The following TRIM22 variants were observed in gnomAD, a reference collection of about 807,000 sequenced individuals.
TRIM22 encodes the protein tripartite motif containing 22, also known as E3 ubiquitin-protein ligase TRIM22.
A neutral mutation model predicts 53.6 loss-of-function variants in TRIM22; 45 were observed. The observed-to-expected ratio is 0.84, with a 90% CI of 0.66 to 1.08. The LOEUF (loss-of-function observed/expected upper bound fraction) is 1.08, where lower values mean the gene tolerates loss of function less well. Ranked by LOEUF, TRIM22 falls within the 50% of genes least tolerant of loss-of-function variation. The pLI is 0.00. For missense variants in TRIM22, 616 were observed against 590.9 expected, an observed-to-expected ratio of 1.04 and a Z score of -0.44; for synonymous variants, 225 against 216.6, an observed-to-expected ratio of 1.04 and a Z score of -0.34.
rs777547311 is a variant in TRIM22, at chr11:5,696,534, GA to G, written c.309del (p.Lys103AsnfsTer31). 1.9e-6 allele frequency: 3 copies of G among 1,614,142 alleles called. No homozygotes were observed. The highest frequency in any genetic ancestry group is 1.7e-6 in the Non-Finnish European group (2 of 1,180,008). On this transcript the variant is annotated frameshift_variant, in exon 2 of 8. Transcript: ENST00000379965. LOFTEE classifies it high-confidence loss of function. The part of the protein sequence containing the change: ...GQKRDVCEHH[G>X]KKLQIFCKED... ...AAGAGAGATGTCTGTGAGCACCATG[GA>G]AAAAAACTCCAGATCTTCTGTAAGG...
intron 5 of TRIM22, among the ~76,000 whole-genome samples, chr11:5,707,539 G>A (rs1353192605): frequency 6.6e-6 from 1 of 152,224 alleles, no homozygotes; most frequent in African/African-American, 2.4e-5. Flanking sequence ...GCTGGGTGCA[G>A]TGGGTCACGC....
chr11:5,692,876 C>CT (rs376485434), intron 1 of TRIM22, among the ~76,000 whole-genome samples: 20,473 of 132,796 alleles, frequency 0.15, 1,853 homozygotes, highest in East Asian at 0.3. Flanking sequence ...TTAATTTAAT[C>CT]TTTTTTTTTT....
chr11:5,707,864 A>G (rs760137065), intron 5 of TRIM22, among the ~76,000 whole-genome samples: 8 of 152,278 alleles, frequency 5.3e-5, no homozygotes, highest in African/African-American at 9.6e-5. Context: ...ATCTAATTTT[A>G]TATTCATTTT....
At position 5,710,603 on chromosome 11, in the gene TRIM22, T is replaced by G. The variant is rs1477815131; in HGVS notation, c.*955T>G. The G allele has an allele frequency of 6.6e-6, 1 of 152,228 alleles. No individual in the cohort carries two copies. Among genetic ancestry groups the G allele is most frequent in the Non-Finnish European group, 1.5e-5 (1 of 68,032 alleles). The allele number at this position is 152,228 out of a possible 1,614,324, so 9.4% of individuals were successfully genotyped here. On this transcript the variant is annotated 3_prime_UTR_variant, in exon 8 of 8. Coordinates refer to ENST00000379965, the MANE Select transcript of TRIM22 (RefSeq NM_006074.5). Reference sequence around the variant, plus strand: ...ATCTTTTCACTTACAAGCTCTATGATCTTAAATAATTTACTTAATGTATTT... The same window carrying G: ...ATCTTTTCACTTACAAGCTCTATGAGCTTAAATAATTTACTTAATGTATTT...
chr11:5,694,592 C>T (rs544629773), intron 1 of TRIM22, among the ~76,000 whole-genome samples: 2 of 152,306 alleles, frequency 1.3e-5, no homozygotes, highest in East Asian at 3.9e-4. Context: ...GGGGACAATA[C>T]ATTCACTCTT....
chr11:5,690,075 G>A (rs757079690), intron 1 of TRIM22, among the ~76,000 whole-genome samples, 176 bp downstream of exon 1: 3 of 152,220 alleles, frequency 2.0e-5, no homozygotes, highest in Non-Finnish European at 2.9e-5. Flanking sequence ...TGGGAGAGGG[G>A]TAACCTTTAA....
intron 4 of TRIM22, 43 bp from the exon 5 acceptor site, chr11:5,706,551 C>T (rs1480212934): frequency 3.1e-6 from 5 of 1,603,348 alleles, no homozygotes; most frequent in Non-Finnish European, 4.3e-6. Flanking sequence ...TGTTCTAAAT[C>T]TGGCAACCCT....
chr11:5,708,134 G>A, intron 5 of TRIM22, 39 bp from the exon 6 acceptor site: 1 of 1,495,950 alleles, frequency 6.7e-7, no homozygotes, highest in Non-Finnish European at 9.3e-7. Flanking sequence ...AGAGAAATAG[G>A]GCAAAGGTGT....
intron 4 of TRIM22, among the ~76,000 whole-genome samples, chr11:5,699,570 G>C (rs551598788): frequency 9.4e-6 from 1 of 106,802 alleles, no homozygotes; most frequent in African/African-American, 3.2e-5. Context: ...AAAAAAAAAA[G>C]AGTGTTGTAT....
intron 4 of TRIM22, among the ~76,000 whole-genome samples, chr11:5,706,386 G>T (rs1013460484): frequency 2.4e-4 from 36 of 152,086 alleles, no homozygotes; most frequent in African/African-American, 8.4e-4. Flanking sequence ...TTTGAGCATT[G>T]CTAGACAAAA....
In TRIM22 at chr11:5,704,079, CT is replaced by C. The variant is rs1370215562; in HGVS notation, c.751-2514del. Among the ~76,000 whole-genome samples, 13 of 152,284 alleles carry C rather than the reference CT, an allele frequency of 8.5e-5. No individual in the cohort carries two copies. The East Asian group carries it at 2.3e-3, about 27-fold the overall frequency. ...TATTTCAGCCATTGTAGAAAGCAGTCTGGAGGTTTCTAAAAGAACTTAAAAC... is the reference window on the plus strand; with the variant it reads ...TATTTCAGCCATTGTAGAAAGCAGTCGGAGGTTTCTAAAAGAACTTAAAAC... On this transcript the variant is annotated intron_variant, in intron 4 of 7. Transcript: ENST00000379965.
chr11:5,706,631 G>A lies in TRIM22; in HGVS notation c.773+15G>A, dbSNP rs767396230. On this transcript the variant is annotated intron_variant, in intron 5 of 7. Coordinates refer to ENST00000379965, the MANE Select transcript of TRIM22 (RefSeq NM_006074.5). ...GTCATGAAAAGGTATATGTGGAAGA[G>A]AGATGTGGTCTTATTTGTCTGAAAA... is the stretch of plus-strand genomic sequence containing the variant. 6.2e-7 allele frequency: 1 copy of A among 1,603,908 alleles called. No homozygotes were observed. The highest frequency in any genetic ancestry group is 1.7e-5 in the Admixed American group (1 of 59,646).
In TRIM22 at chr11:5,709,283, C is replaced by T; in HGVS notation, c.1132C>T (p.Leu378=). 1.2e-6 allele frequency: 2 copies of T among 1,613,966 alleles called. No homozygotes were observed. Among genetic ancestry groups the T allele is most frequent in the Non-Finnish European group, 1.7e-6 (2 of 1,179,986 alleles). The change falls in exon 8 of 8, where the codon CTG becomes TTG. Residue 378 remains leucine, a synonymous_variant. Transcript: ENST00000379965. ...ILGVHSKISS[L]NKRKSSGFAF... ...GGGCGTACACAGTAAAATAAGTAGT[C>T]TGAATAAAAGGAAGAGCTCTGGGTT...
At chr11:5,705,822 A>G (rs1439376187) in intron 4 of TRIM22, among the ~76,000 whole-genome samples, 1 of 152,194 alleles carries the variant, frequency 6.6e-6, no homozygotes, top group Non-Finnish European at 1.5e-5. Flanking sequence ...AATAGTTGGG[A>G]AATAGTAAGT....
chr11:5,697,068 A>G, intron 2 of TRIM22, 180 bp from the exon 3 acceptor site: 1 of 560,736 alleles, frequency 1.8e-6, no homozygotes, highest in East Asian at 2.9e-5. Flanking sequence ...TCCATCATCC[A>G]GGAATAAAGA....
Position 5,706,634 on chromosome 11 carries a change from A to C in TRIM22, c.773+18A>C, listed in dbSNP as rs760738876. ...ATGAAAAGGTATATGTGGAAGAGAG[A>C]TGTGGTCTTATTTGTCTGAAAAGAG... On this transcript the variant is annotated intron_variant, in intron 5 of 7. Transcript: ENST00000379965. 20 of 1,601,120 alleles carry C rather than the reference A, an allele frequency of 1.2e-5. No individual in the cohort carries two copies. The South Asian group carries it at 2.2e-4, about 18-fold the overall frequency.
chr11:5,703,922 G>A (rs1853416652), intron 4 of TRIM22, among the ~76,000 whole-genome samples: 1 of 152,086 alleles, frequency 6.6e-6, no homozygotes, highest in East Asian at 1.9e-4. Context: ...CCTGAGAAAT[G>A]CAAATCAAAA....
intron 1 of TRIM22, among the ~76,000 whole-genome samples, chr11:5,690,808 A>G (rs1280692722): frequency 1.3e-5 from 2 of 152,130 alleles, no homozygotes; most frequent in Non-Finnish European, 2.9e-5. Context: ...CTTTGTTTTC[A>G]CTTTTCATAA....
intron 1 of TRIM22, chr11:5,691,244 T>C (rs1015021383): frequency 2.0e-5 from 3 of 152,218 alleles, no homozygotes; most frequent in South Asian, 2.1e-4. Context: ...GCCGAGCTCC[T>C]CGAGTGAGCA....
Sources: gnomAD v4.1 joint callset for allele counts (sites outside exome capture counted in the v4.1 genomes callset) on GRCh38, gnomAD v4.1.1 for gene constraint, MANE v1.5 for transcripts, NCBI Gene and HGNC (gene_info 2026-07-23, HGNC 2026-07-21) for gene names.